The following KIF1B variants were observed in gnomAD, a reference collection of about 807,000 sequenced individuals.
KIF1B encodes kinesin family member 1B.
Under a neutral mutation model 241.9 loss-of-function variants are expected in KIF1B, and 76 were observed. That is an observed-to-expected ratio of 0.31 (90% CI 0.26 to 0.38). The LOEUF (loss-of-function observed/expected upper bound fraction) is 0.38, where lower values mean the gene tolerates loss of function less well. Ranked by LOEUF, KIF1B falls within the 10% of genes least tolerant of loss-of-function variation. The pLI, the probability that KIF1B is intolerant of heterozygous loss-of-function variation, is 1.00. For synonymous variants in KIF1B, 750 were observed against 796.7 expected (o/e 0.94, Z 0.99); for missense variants, 1,622 against 2,271.4 (o/e 0.71, Z 5.81).
intron 1 of KIF1B, among the ~76,000 whole-genome samples, chr1:10,217,805 C>T (rs1331953139): frequency 3.3e-5 from 5 of 151,890 alleles, no homozygotes; most frequent in African/African-American, 4.8e-5. Context: ...TGTACTCCCC[C>T]GTGATGCTGA....
chr1:10,273,934 C>CT (rs35845856), intron 10 of KIF1B, among the ~76,000 whole-genome samples: 34,932 of 116,576 alleles, frequency 0.3, 5,924 homozygotes, highest in Non-Finnish European at 0.34. Flanking sequence ...TTAGTAGCTT[C>CT]TTTTTTTTTT....
intron 2 of KIF1B, among the ~76,000 whole-genome samples, chr1:10,255,480 C>T (rs1434052468): frequency 3.9e-5 from 6 of 152,104 alleles, no homozygotes; most frequent in African/African-American, 1.4e-4. Context: ...ATCCCAGCTA[C>T]TCAGGAGGCT....
chr1:10,305,690 CAAGG>C, intron 22 of KIF1B: 2 of 1,057,758 alleles, frequency 1.9e-6, no homozygotes, highest in South Asian at 4.6e-5. Flanking sequence ...GACACTCAAA[CAAGG>C]AAGGCGAAGT....
chr1:10,303,595 G>A lies in KIF1B; in HGVS notation c.2115+6349G>A, dbSNP rs367630398. 2 of 1,614,040 alleles carry A rather than the reference G, an allele frequency of 1.2e-6. No individual in the cohort carries two copies. Among genetic ancestry groups the A allele is most frequent in the South Asian group, 2.2e-5 (2 of 91,082 alleles). On this transcript the variant is annotated intron_variant, in intron 22 of 48. Transcript: ENST00000676179. The surrounding 1 kb of genome is among the most constrained non-coding windows in gnomAD (Gnocchi z 5.2). Reference sequence around the variant, plus strand: ...CGTCGGTGTTGGGGATGAGAAGATCGAAGACGTCATGGCCACTGGGAAAGG... The same window carrying A: ...CGTCGGTGTTGGGGATGAGAAGATCAAAGACGTCATGGCCACTGGGAAAGG...
intron 2 of KIF1B, among the ~76,000 whole-genome samples, chr1:10,248,573 C>G (rs946503): frequency 0.39 from 59,747 of 151,906 alleles, 12,165 homozygotes; most frequent in African/African-American, 0.49. Context: ...TGGGACTCAT[C>G]GATTTCTGAT....
At chr1:10,327,191 C>A (rs1197210160) in intron 27 of KIF1B, among the ~76,000 whole-genome samples, 1 of 151,716 alleles carries the variant, frequency 6.6e-6, no homozygotes, top group Non-Finnish European at 1.5e-5. Context: ...ACCCATGAAA[C>A]CCGTCTCTAC....
intron 15 of KIF1B, among the ~76,000 whole-genome samples, chr1:10,282,828 T>C (rs1297389905): frequency 6.6e-6 from 1 of 152,190 alleles, no homozygotes; most frequent in Non-Finnish European, 1.5e-5. Context: ...CAAGTTACAG[T>C]GTAATTGTTT....
rs1487151059 is a variant in KIF1B at position 10,348,684 on chromosome 1, T to C, written c.3900T>C (p.His1300=). The C allele has an allele frequency of 1.2e-6, 2 of 1,613,940 alleles. No homozygotes were observed. The highest frequency in any genetic ancestry group is 1.7e-6 in the Non-Finnish European group (2 of 1,179,932). ...IQRRITVTII[H]EKGSELHWKD... is the part of the protein sequence containing the mutation. Reference sequence around the variant, plus strand: ...GAAGGATCACAGTGACCATTATCCATGAGAAGGGGAGCGAGCTCCATTGGA... The same window carrying C: ...GAAGGATCACAGTGACCATTATCCACGAGAAGGGGAGCGAGCTCCATTGGA... The change falls in exon 37 of 49, where the codon CAT becomes CAC. Residue 1300 remains histidine (H), a synonymous_variant. Transcript: ENST00000676179.
At chr1:10,240,206 C>T (rs1374306427) in intron 2 of KIF1B, among the ~76,000 whole-genome samples, 1 of 151,388 alleles carries the variant, frequency 6.6e-6, no homozygotes, top group African/African-American at 2.4e-5. Flanking sequence ...CCTGCCAAAC[C>T]TTATTTATTT....
chr1:10,322,144 T>C (rs552393410), intron 24 of KIF1B, among the ~76,000 whole-genome samples: 1 of 152,312 alleles, frequency 6.6e-6, no homozygotes, highest in South Asian at 2.1e-4. Flanking sequence ...ATACTTCTCT[T>C]GGGTTTCTGA....
At chr1:10,357,734 C>T (rs973604626) in intron 38 of KIF1B, among the ~76,000 whole-genome samples, 7 of 150,992 alleles carry the variant, frequency 4.6e-5, no homozygotes, top group African/African-American at 9.7e-5. Context: ...ATAGGCCAGG[C>T]GCAGTGGCTC....
chr1:10,229,585 G>A (rs1410172450), intron 1 of KIF1B, among the ~76,000 whole-genome samples: 1 of 151,952 alleles, frequency 6.6e-6, no homozygotes, highest in East Asian at 1.9e-4. Context: ...AGCCGGGTGC[G>A]GTGGCTCATG....
In KIF1B at chr1:10,344,182, C is replaced by T. The variant is rs115977470; in HGVS notation, c.3688+895C>T. ...CACATTTTCTGAGCACGCCAGTGTG[C>T]TTGCATCCTCCGCTATTGCCACCTT... is the stretch of plus-strand genomic sequence containing the variant. On this transcript the variant is annotated intron_variant, in intron 34 of 48. Coordinates refer to ENST00000676179, the MANE Select transcript of KIF1B (RefSeq NM_001365951.3). 2.2e-3 allele frequency among the ~76,000 whole-genome samples: 329 copies of T among 152,308 alleles called. 2 individuals are homozygous for T. Among genetic ancestry groups the T allele is most frequent in the African/African-American group, 7.7e-3 (318 of 41,568 alleles).
rs1638945970 is a variant in KIF1B, at chr1:10,378,538, G to T, written c.*1951G>T. The T allele has an allele frequency of 4.4e-6, 3 of 684,212 alleles. No homozygotes were observed. The South Asian group carries it at 4.8e-5, about 11-fold the overall frequency. The allele number at this position is 684,212 out of a possible 1,614,324, so 42.4% of individuals were successfully genotyped here. On this transcript the variant is annotated 3_prime_UTR_variant, in exon 49 of 49. Coordinates refer to ENST00000676179, the MANE Select transcript of KIF1B (RefSeq NM_001365951.3). ...TGTTTCACCATTGCTCAGGCATTCA[G>T]GAAAGTATCTGCTCACTCCCACTTG...
At chr1:10,227,375 A>G (rs952099712) in intron 1 of KIF1B, among the ~76,000 whole-genome samples, 3 of 152,048 alleles carry the variant, frequency 2.0e-5, no homozygotes, top group South Asian at 2.1e-4. Context: ...CAATTATGCT[A>G]TTTGTTTGAA....
intron 1 of KIF1B, 121 bp from the exon 2 acceptor site, chr1:10,232,129 A>T: frequency 3.6e-6 from 2 of 552,218 alleles, no homozygotes; most frequent in Non-Finnish European, 6.5e-6. Context: ...GAGAAAAGGG[A>T]TGAATATCGT....
At chr1:10,227,261 T>C (rs1242513337) in intron 1 of KIF1B, among the ~76,000 whole-genome samples, 1 of 151,908 alleles carries the variant, frequency 6.6e-6, no homozygotes, top group African/African-American at 2.4e-5. Flanking sequence ...TCTTGATTTC[T>C]TGACCTCGTG....
chr1:10,353,371 C>T (rs1027352660), intron 38 of KIF1B, among the ~76,000 whole-genome samples: 1 of 152,120 alleles, frequency 6.6e-6, no homozygotes, highest in Non-Finnish European at 1.5e-5. Flanking sequence ...CAGGTGATAA[C>T]AGACAGTTCG....
chr1:10,331,351 T>G (rs1651915106), intron 27 of KIF1B, among the ~76,000 whole-genome samples: 2 of 152,360 alleles, frequency 1.3e-5, no homozygotes, highest in South Asian at 2.1e-4. Context: ...GGGTCTTGTT[T>G]AGAACTTTTT....
Sources: allele counts gnomAD v4.1 joint callset (sites outside exome capture counted in the v4.1 genomes callset), GRCh38; gene constraint gnomAD v4.1.1; non-coding constraint Gnocchi (gnomAD v3.1); transcripts MANE v1.5; gene names NCBI Gene and HGNC (gene_info 2026-07-23, HGNC 2026-07-21).